ERN1: variants seen among roughly 807,000 people sequenced by gnomAD.
ERN1 encodes the protein serine/threonine-protein kinase/endoribonuclease IRE1.
In ERN1, 39 loss-of-function variants were observed where a neutral mutation model predicts 113.1. The ratio of observed to expected loss-of-function variants is 0.34; its 90% CI spans 0.27 to 0.45. ERN1 has a LOEUF of 0.45. Ranked by LOEUF, ERN1 falls within the 20% of genes least tolerant of loss-of-function variation. ERN1 has a pLI of 1.00. For missense variants in ERN1, 976 were observed against 1,274.8 expected, an observed-to-expected ratio of 0.77 and a Z score of 3.57; for synonymous variants, 507 against 515.9, an observed-to-expected ratio of 0.98 and a Z score of 0.23.
chr17:64,092,545 C>T (rs1914121259), intron 2 of ERN1, among the ~76,000 whole-genome samples: 1 of 152,086 alleles, frequency 6.6e-6, no homozygotes, highest in South Asian at 2.1e-4. Context: ...TCTCCGGAGT[C>T]TGGGCCCAGC....
At chr17:64,104,567 C>A (rs1408136797) in intron 1 of ERN1, among the ~76,000 whole-genome samples, 1 of 152,120 alleles carries the variant, frequency 6.6e-6, no homozygotes, top group Non-Finnish European at 1.5e-5. Context: ...GCCTGTAATC[C>A]CAGCACTTTG....
At chr17:64,106,000 A>G (rs149930052) in intron 1 of ERN1, among the ~76,000 whole-genome samples, 2 of 152,138 alleles carry the variant, frequency 1.3e-5, no homozygotes, top group Non-Finnish European at 2.9e-5. Context: ...CTCCAAACTA[A>G]AAATACTTAC....
intron 4 of ERN1, among the ~76,000 whole-genome samples, chr17:64,077,442 C>G (rs1913627481): frequency 6.6e-6 from 1 of 150,802 alleles, no homozygotes; most frequent in Admixed American, 6.6e-5. Flanking sequence ...CTAGCCATAA[C>G]TCTCCAGGGG....
At chr17:64,109,899 C>T (rs1383978700) in intron 1 of ERN1, among the ~76,000 whole-genome samples, 1 of 152,148 alleles carries the variant, frequency 6.6e-6, no homozygotes, top group Non-Finnish European at 1.5e-5. Flanking sequence ...CTGAAGCTCC[C>T]CCTTTGAATC....
Position 64,060,569 on chromosome 17 carries a change from A to T in ERN1, c.1106T>A (p.Leu369Gln). 6.2e-7 allele frequency: 1 copy of T among 1,613,470 alleles called. No individual in the cohort carries two copies. Among genetic ancestry groups the T allele is most frequent in the Non-Finnish European group, 8.5e-7 (1 of 1,179,344 alleles). The part of the protein sequence containing the change: ...WLLIGHHETP[L>Q]SASTKMLERF... Reference sequence around the variant, plus strand: ...CTCCAGCATCTTGGTAGACGCAGACAGTGGGGTTTCATGGTGTCCTATGAC... The same window carrying T: ...CTCCAGCATCTTGGTAGACGCAGACTGTGGGGTTTCATGGTGTCCTATGAC... The change falls in exon 11 of 22, where the codon CTG becomes CAG. Residue 369 changes from leucine to glutamine, a missense_variant. Leu to Gln is a moderately radical substitution (Grantham distance 113). Transcript: ENST00000433197.
rs576618948 is a variant in ERN1, at chr17:64,041,617, C to T, written c.*2371G>A. Reference sequence around the variant, plus strand: ...TCCTAAAGGCGACTAAGAGGAAAGACCAGAGGTGACCGGACCAGATCCCTG... The same window carrying T: ...TCCTAAAGGCGACTAAGAGGAAAGATCAGAGGTGACCGGACCAGATCCCTG... On this transcript the variant is annotated 3_prime_UTR_variant, in exon 22 of 22. Transcript: ENST00000433197. 3 of 152,250 alleles carry T rather than the reference C, an allele frequency of 2.0e-5. No individual in the cohort carries two copies. The highest frequency in any genetic ancestry group is 7.2e-5 in the African/African-American group (3 of 41,556). 9.4% of individuals were successfully genotyped at this position (152,250 alleles called of 1,614,324 possible).
intron 4 of ERN1, 144 bp from the exon 5 acceptor site, chr17:64,075,391 C>T (rs1480216213): frequency 4.4e-6 from 3 of 682,174 alleles, no homozygotes. Flanking sequence ...TAACTGAATA[C>T]AAAGGAGAAG....
intron 2 of ERN1, chr17:64,097,839 A>C (rs545812472): frequency 2.9e-6 from 1 of 339,990 alleles, no homozygotes; most frequent in African/African-American, 2.1e-5. Flanking sequence ...AACTAGCTAG[A>C]GCTATTAATA....
chr17:64,068,330 G>A, intron 6 of ERN1, 39 bp from the exon 7 acceptor site: 1 of 1,397,788 alleles, frequency 7.2e-7, no homozygotes. Flanking sequence ...ACCACGGAGG[G>A]GCCATAGTAC....
rs1913552399 is a variant in ERN1, at chr17:64,075,248, CT to C, written c.283-2del. 3.4e-6 allele frequency: 3 copies of C among 871,628 alleles called. No individual in the cohort carries two copies. Among genetic ancestry groups the C allele is most frequent in the African/African-American group, 2.2e-5 (1 of 45,584 alleles). 54.0% of individuals were successfully genotyped at this position (871,628 alleles called of 1,614,324 possible). Reference sequence around the variant, plus strand: ...ATTCTGGGATGGTAAAAGGAAGTTTCTTTAAAAAAAAAAAAAAAGAAAAAAA... The same window carrying C: ...ATTCTGGGATGGTAAAAGGAAGTTTCTTAAAAAAAAAAAAAAAGAAAAAAA... On this transcript the variant is annotated splice_acceptor_variant, in intron 4 of 21. Coordinates refer to ENST00000433197, the MANE Select transcript of ERN1 (RefSeq NM_001433.5). LOFTEE classifies it high-confidence loss of function.
At chr17:64,129,777 G>C in intron 1 of ERN1, 199 bp downstream of exon 1, 1 of 431,824 alleles carries the variant, frequency 2.3e-6, no homozygotes, top group Non-Finnish European at 3.9e-6. Flanking sequence ...GTGGGGCCGC[G>C]ACTCCCGTCA....
rs74893259 is a variant in ERN1, at chr17:64,060,172, C to T, written c.1206+297G>A. On this transcript the variant is annotated intron_variant, in intron 11 of 21. Transcript: ENST00000433197. ...ATTCTTCCCACTCCAGGCTTTTGCC[C>T]TTGCTGTTCCATTCCCTCCTGTGCC... 4.4e-3 allele frequency among the ~76,000 whole-genome samples: 670 copies of T among 152,294 alleles called. 3 individuals are homozygous for T. The highest frequency in any genetic ancestry group is 0.015 in the African/African-American group (640 of 41,550).
intron 2 of ERN1, among the ~76,000 whole-genome samples, chr17:64,084,094 T>G (rs2331414): frequency 6.6e-6 from 1 of 151,950 alleles, no homozygotes; most frequent in East Asian, 1.9e-4. Context: ...CCCGGGTCCT[T>G]TCTCTGGATC....
At chr17:64,086,894 G>A (rs1299196255) in intron 2 of ERN1, among the ~76,000 whole-genome samples, 2 of 151,766 alleles carry the variant, frequency 1.3e-5, no homozygotes, top group Non-Finnish European at 2.9e-5. Flanking sequence ...TTCACCCGCC[G>A]TGGCCTCCCA....
At chr17:64,067,192 A>C (rs28406) in intron 7 of ERN1, among the ~76,000 whole-genome samples, 146,107 of 152,166 alleles carry the variant, frequency 0.96, 70,446 homozygotes, top group East Asian at 1. Flanking sequence ...ATGTTCTTTA[A>C]CACTCTATTC....
chr17:64,119,978 A>C (rs1914914175), intron 1 of ERN1, among the ~76,000 whole-genome samples: 1 of 151,790 alleles, frequency 6.6e-6, no homozygotes, highest in Non-Finnish European at 1.5e-5. Context: ...TCTGGTCTCA[A>C]ACTCCTGACT....
chr17:64,094,621 CCTTT>C (rs756000940), intron 2 of ERN1, among the ~76,000 whole-genome samples: 233 of 151,058 alleles, frequency 1.5e-3, no homozygotes, highest in Non-Finnish European at 2.8e-3. Context: ...ACACTCCCAT[CCTTT>C]CTTTTTTTTT....
At chr17:64,120,978 C>T (rs1210585958) in intron 1 of ERN1, among the ~76,000 whole-genome samples, 1 of 152,150 alleles carries the variant, frequency 6.6e-6, no homozygotes, top group Non-Finnish European at 1.5e-5. Flanking sequence ...CAGCATGCCA[C>T]GTTAAATGCC....
intron 2 of ERN1, among the ~76,000 whole-genome samples, chr17:64,087,551 T>C (rs571642768): frequency 2.6e-5 from 4 of 152,274 alleles, no homozygotes; most frequent in African/African-American, 9.6e-5. Context: ...CTGTAAATGT[T>C]TTGGGTTGGC....
Sources: gnomAD v4.1 joint callset for allele counts (sites outside exome capture counted in the v4.1 genomes callset) on GRCh38, gnomAD v4.1.1 for gene constraint, MANE v1.5 for transcripts, NCBI Gene and HGNC (gene_info 2026-07-23, HGNC 2026-07-21) for gene names.